Variants in SLC6A9 observed in about 807,000 individuals in gnomAD.
SLC6A9 encodes the protein solute carrier family 6 member 9, also known as sodium- and chloride-dependent glycine transporter 1.
In SLC6A9, 31 loss-of-function variants were observed where a neutral mutation model predicts 70.9. That is an observed-to-expected ratio of 0.44 (90% CI 0.33 to 0.59). The LOEUF (loss-of-function observed/expected upper bound fraction) is 0.59, where lower values mean the gene tolerates loss of function less well. Ranked by LOEUF, SLC6A9 falls within the 20% of genes least tolerant of loss-of-function variation. SLC6A9 has a pLI of 0.04. For synonymous variants in SLC6A9, 310 were observed against 341.3 expected (o/e 0.91, Z 1.01); for missense variants, 631 against 845.2 (o/e 0.75, Z 3.14).
chr1:44,017,441 A>C, intron 2 of SLC6A9: 2 of 1,015,072 alleles, frequency 2.0e-6, no homozygotes, highest in Non-Finnish European at 2.5e-6. Flanking sequence ...AGGGTGGCTC[A>C]CTCCCCCCAC....
chr1:44,030,359 C>T (rs1205677624), intron 1 of SLC6A9: 1 of 152,354 alleles, frequency 6.6e-6, no homozygotes, highest in Non-Finnish European at 1.5e-5. Flanking sequence ...GTCCCCGCCC[C>T]ACGGCCCCGC....
At position 43,997,389 on chromosome 1, in the gene SLC6A9, G is replaced by GC. The variant is rs1316264850; in HGVS notation, c.*155dup. 1.5e-6 allele frequency: 1 copy of GC among 672,972 alleles called. No homozygotes were observed. Among genetic ancestry groups the GC allele is most frequent in the African/African-American group, 1.8e-5 (1 of 55,562 alleles). 41.7% of individuals were successfully genotyped at this position (672,972 alleles called of 1,614,324 possible). A position where few individuals can be genotyped will look rare whatever the true frequency, so the allele number is the denominator to read the frequency against. ...GGACATGTAAACACTGGGGACATGAGCATGAATGACTGCACTAGCAGTGGT... is the reference window on the plus strand; with the variant it reads ...GGACATGTAAACACTGGGGACATGAGCCATGAATGACTGCACTAGCAGTGGT... On this transcript the variant is annotated 3_prime_UTR_variant, in exon 14 of 14. Transcript: ENST00000372310. The surrounding 1 kb of genome is among the most constrained non-coding windows in gnomAD (Gnocchi z 4.4).
chr1:44,010,864 C>T lies in SLC6A9; in HGVS notation c.49G>A (p.Glu17Lys), dbSNP rs145508338. 11 of 1,614,104 alleles carry T rather than the reference C, an allele frequency of 6.8e-6. No individual in the cohort carries two copies. Among genetic ancestry groups the T allele is most frequent in the Middle Eastern group, 1.6e-4 (1 of 6,084 alleles). ...AGGTTCTGGTCCCTCTTGGTGGCCT[C>T]GCTGGGCACAGCACCATTCTGTGGG... Reference protein sequence around the residue: ...KGMLNGAVPSEATKRDQNLKR... With the variant: ...KGMLNGAVPSKATKRDQNLKR... The change falls in exon 3 of 14, where the codon GAG becomes AAG. Residue 17 changes from glutamate to lysine, a missense_variant. Coordinates refer to ENST00000372310, the MANE Select transcript of SLC6A9 (RefSeq NM_001024845.3).
At chr1:44,019,557 C>A (rs981672417) in intron 2 of SLC6A9, among the ~76,000 whole-genome samples, 4 of 152,398 alleles carry the variant, frequency 2.6e-5, no homozygotes. Flanking sequence ...TCACTTGCAC[C>A]GAGGGTGGGC....
At chr1:43,999,295 A>C (rs1469643475) in intron 12 of SLC6A9, among the ~76,000 whole-genome samples, 2 of 151,296 alleles carry the variant, frequency 1.3e-5, no homozygotes, top group East Asian at 4.1e-4. Context: ...AGAGGACTCT[A>C]GGCTCCCCTA....
rs143546820 is a variant in SLC6A9, at chr1:44,018,597, A to AAATAATAATAAT, written c.30+5639_30+5650dup. 2.7e-3 allele frequency among the ~76,000 whole-genome samples: 388 copies of AAATAATAATAAT among 142,276 alleles called. 2 individuals are homozygous for AAATAATAATAAT. Among genetic ancestry groups the AAATAATAATAAT allele is most frequent in the African/African-American group, 9.6e-3 (367 of 38,196 alleles). 93.3% of individuals were successfully genotyped at this position (142,276 alleles called of 152,430 possible). A position where few individuals can be genotyped will look rare whatever the true frequency, so the allele number is the denominator to read the frequency against. On this transcript the variant is annotated intron_variant, in intron 2 of 13. Transcript: ENST00000372310. This position sits in a 1 kb window ranked among gnomAD's most constrained non-coding sequence, Gnocchi z 4.2. ...CAGCAAGAGCAAAACTCTCTCTCTAAAATAATAATAATAATAATAATAATA... is the reference window on the plus strand; with the variant it reads ...CAGCAAGAGCAAAACTCTCTCTCTAAAATAATAATAATAATAATAATAATAATAATAATAATA...
intron 5 of SLC6A9, among the ~76,000 whole-genome samples, chr1:44,005,003 T>G (rs72683978): frequency 0.078 from 11,873 of 152,278 alleles, 570 homozygotes; most frequent in Middle Eastern, 0.18. Context: ...CTGCCTGAGC[T>G]CCTATCAGCA....
chr1:44,010,759 G>A lies in SLC6A9; in HGVS notation c.154C>T (p.Arg52Cys). The A allele has an allele frequency of 6.2e-7, 1 of 1,614,086 alleles. No individual in the cohort carries two copies. The highest frequency in any genetic ancestry group is 8.5e-7 in the Non-Finnish European group (1 of 1,179,950). The change falls in exon 3 of 14, where the codon CGC becomes TGC. Residue 52 changes from arginine (R) to cysteine (C), a missense_variant. Transcript: ENST00000372310. ...GYAVGLGNVWRFPYLCYRNGG... is the reference protein window; with the variant it reads ...GYAVGLGNVWCFPYLCYRNGG... ...TTGCGATAGCAGAGGTATGGGAAGC[G>A]CCAGACATTGCCCAGGCCCACGGCA...
intron 4 of SLC6A9, among the ~76,000 whole-genome samples, chr1:44,008,955 C>T (rs561347927): frequency 1.3e-5 from 2 of 149,428 alleles, no homozygotes; most frequent in Non-Finnish European, 3.0e-5. Flanking sequence ...CTCCTGACCT[C>T]GTGATCCGCC....
At chr1:44,024,213 C>G in intron 2 of SLC6A9, 35 bp downstream of exon 2, 1 of 1,610,126 alleles carries the variant, frequency 6.2e-7, no homozygotes. Flanking sequence ...GCTTGGGACT[C>G]CCGTTCCTTC....
rs1301917165 is a variant in SLC6A9 at position 44,000,954 on chromosome 1, A to G, written c.1435+2T>C. On this transcript the variant is annotated splice_donor_variant, in intron 11 of 13. Coordinates refer to ENST00000372310, the MANE Select transcript of SLC6A9 (RefSeq NM_001024845.3). LOFTEE classifies it high-confidence loss of function. ...CGGGAGGCCGGAGGCTCGAGTGCTC[A>G]CCGTAGATGTACATGATGGCCACAC... 8 of 1,601,748 alleles carry G rather than the reference A, an allele frequency of 5.0e-6. No individual in the cohort carries two copies. The highest frequency in any genetic ancestry group is 1.3e-5 in the African/African-American group (1 of 74,776).
chr1:44,001,542 T>C lies in SLC6A9; in HGVS notation c.1048A>G (p.Asn350Asp), dbSNP rs2086106588. The change falls in exon 9 of 14, where the codon AAT becomes GAT. Residue 350 changes from asparagine to aspartate, a missense_variant. Asn to Asp is a conservative substitution (Grantham distance 23). Transcript: ENST00000372310. ...VIFSILGFMA[N>D]HLGVDVSRVA... ...CGGGACACATCCACGCCCAGGTGAT[T>C]GGCCATGAAGCCGAGGATGGAGAAG... The C allele has an allele frequency of 2.5e-6, 4 of 1,614,222 alleles. No individual in the cohort carries two copies. Among genetic ancestry groups the C allele is most frequent in the East Asian group, 2.2e-5 (1 of 44,890 alleles).
At chr1:44,024,082 C>T (rs1438457458) in intron 2 of SLC6A9, among the ~76,000 whole-genome samples, 166 bp downstream of exon 2, 1 of 152,234 alleles carries the variant, frequency 6.6e-6, no homozygotes, top group East Asian at 1.9e-4. Context: ...GCCTGATGCT[C>T]TCTGACCTGC....
intron 2 of SLC6A9, among the ~76,000 whole-genome samples, chr1:44,012,265 G>T (rs1287733952): frequency 1.3e-5 from 2 of 152,274 alleles, no homozygotes; most frequent in Non-Finnish European, 2.9e-5. Flanking sequence ...GGAATGAATG[G>T]CCTCCCTGGG....
chr1:44,001,772 G>C, intron 8 of SLC6A9, 145 bp from the exon 9 acceptor site: 1 of 680,410 alleles, frequency 1.5e-6, no homozygotes, highest in Non-Finnish European at 2.6e-6. Context: ...CTGTTGTCCA[G>C]GATGGAGTGC....
In SLC6A9 at chr1:43,997,456, G is replaced by T; in HGVS notation, c.*89C>A. ...GCCGTCCTGGCCAGGGCGTGGCAGG[G>T]GGCAGGCAGAGACACCTGGCCTCTG... On this transcript the variant is annotated 3_prime_UTR_variant, in exon 14 of 14. Coordinates refer to ENST00000372310, the MANE Select transcript of SLC6A9 (RefSeq NM_001024845.3). The surrounding 1 kb of genome is among the most constrained non-coding windows in gnomAD (Gnocchi z 4.4). 2 of 1,195,612 alleles carry T rather than the reference G, an allele frequency of 1.7e-6. No homozygotes were observed. The highest frequency in any genetic ancestry group is 1.2e-6 in the Non-Finnish European group (1 of 818,356). 74.1% of individuals were successfully genotyped at this position (1,195,612 alleles called of 1,614,324 possible).
In SLC6A9 at chr1:44,022,694, T is replaced by A. The variant is rs111681240; in HGVS notation, c.30+1554A>T. ...TTCTCTCCCACAAACTGCTGTTTTT[T>A]AATTTTTCTTTCTTTCTTTCTTTCT... On this transcript the variant is annotated intron_variant, in intron 2 of 13. Coordinates refer to ENST00000372310, the MANE Select transcript of SLC6A9 (RefSeq NM_001024845.3). Among the ~76,000 whole-genome samples the A allele has an allele frequency of 2.1e-3, 298 of 140,358 alleles. 4 individuals are homozygous for A. Among genetic ancestry groups the A allele is most frequent in the African/African-American group, 6.2e-3 (226 of 36,402 alleles). 92.1% of individuals were successfully genotyped at this position (140,358 alleles called of 152,430 possible).
At chr1:44,028,439 G>T (rs1400182067) in intron 1 of SLC6A9, among the ~76,000 whole-genome samples, 1 of 152,206 alleles carries the variant, frequency 6.6e-6, no homozygotes, top group African/African-American at 2.4e-5. Flanking sequence ...GGCTGAAGTT[G>T]AAGAGAGGAA....
intron 12 of SLC6A9, among the ~76,000 whole-genome samples, chr1:43,999,262 G>A (rs1400824069): frequency 6.6e-6 from 1 of 151,514 alleles, no homozygotes; most frequent in Non-Finnish European, 1.5e-5. Context: ...AGCCCAGAAA[G>A]CCAGGCTGGA....
Sources: gnomAD v4.1 joint callset for allele counts (sites outside exome capture counted in the v4.1 genomes callset) on GRCh38, gnomAD v4.1.1 for gene constraint, Gnocchi (gnomAD v3.1) non-coding constraint, MANE v1.5 for transcripts, NCBI Gene and HGNC (gene_info 2026-07-23, HGNC 2026-07-21) for gene names.